Variants in NF2 observed in about 807,000 individuals in gnomAD.
NF2 encodes the protein NF2, moesin-ezrin-radixin like (MERLIN) tumor suppressor, also known as merlin.
A neutral mutation model predicts 83.7 loss-of-function variants in NF2; 8 were observed. The observed-to-expected ratio is 0.10, with a 90% CI of 0.06 to 0.17. NF2 has a LOEUF of 0.17. Ranked by LOEUF, NF2 falls within the 10% of genes least tolerant of loss-of-function variation. The pLI is 1.00. For synonymous variants in NF2, 266 were observed against 269.6 expected, an observed-to-expected ratio of 0.99 and a Z score of 0.13; for missense variants, 533 against 744.4, an observed-to-expected ratio of 0.72 and a Z score of 3.31.
At chr22:29,630,273 C>T (rs1278697283) in intron 1 of NF2, among the ~76,000 whole-genome samples, 8 of 152,162 alleles carry the variant, frequency 5.3e-5, no homozygotes, top group South Asian at 2.1e-4. Context: ...ATTCCAGCTA[C>T]GTTCCTGCTG....
At chr22:29,662,063 T>C (rs573040319) in intron 8 of NF2, among the ~76,000 whole-genome samples, 1 of 152,352 alleles carries the variant, frequency 6.6e-6, no homozygotes, top group African/African-American at 2.4e-5. Context: ...TAATGTATAA[T>C]CTTATGTTTA....
At chr22:29,604,145 A>ACAG in intron 1 of NF2, 33 bp downstream of exon 1, 1 of 1,524,430 alleles carries the variant, frequency 6.6e-7, no homozygotes, top group Non-Finnish European at 9.0e-7. Flanking sequence ...TGCTGCGGTG[A>ACAG]CAGTCGAGGT....
chr22:29,698,552 G>A lies in NF2; in HGVS notation c.*3750G>A, dbSNP rs1022697344. ...AAGGCTATTTTCTATTCTGGGGAAC[G>A]ATTATAACTTAAATGATTGTTTTAA... On this transcript the variant is annotated 3_prime_UTR_variant, in exon 16 of 16. Transcript: ENST00000338641. 5.2e-6 allele frequency: 1 copy of A among 191,260 alleles called. No homozygotes were observed. The highest frequency in any genetic ancestry group is 1.1e-5 in the Non-Finnish European group (1 of 91,166). 11.8% of individuals were successfully genotyped at this position (191,260 alleles called of 1,614,324 possible).
At chr22:29,618,078 T>C (rs539141256) in intron 1 of NF2, among the ~76,000 whole-genome samples, 2 of 152,348 alleles carry the variant, frequency 1.3e-5, no homozygotes, top group Admixed American at 1.3e-4. Context: ...CCATGGGCAC[T>C]GCCCTGTTGT....
intron 15 of NF2, among the ~76,000 whole-genome samples, chr22:29,690,773 A>T (rs1293520600): frequency 6.6e-6 from 1 of 152,212 alleles, no homozygotes; most frequent in Non-Finnish European, 1.5e-5. Context: ...GGGTCAGCCC[A>T]TGCCTGGTGC....
At chr22:29,674,800 C>T (rs2066910265) in intron 12 of NF2, 36 bp from the exon 13 acceptor site, 5 of 1,543,120 alleles carry the variant, frequency 3.2e-6, no homozygotes, top group Non-Finnish European at 4.4e-6. Flanking sequence ...TACCTGCCCT[C>T]TTCTGTGAAG....
chr22:29,673,616 C>T (rs780171131), intron 12 of NF2, 130 bp downstream of exon 12: 169 of 1,017,958 alleles, frequency 1.7e-4, no homozygotes, highest in Non-Finnish European at 2.0e-4. Context: ...TGGGGAGGCT[C>T]CTCCTTGGCT....
At chr22:29,685,948 GCT>G (rs1380432735) in intron 15 of NF2, among the ~76,000 whole-genome samples, 1 of 149,270 alleles carries the variant, frequency 6.7e-6, no homozygotes, top group African/African-American at 2.5e-5. Context: ...TTACTCGCTC[GCT>G]CTCTCTTTTT....
rs2146856604 is a variant in NF2 at position 29,636,959 on chromosome 22, G to C, written c.240+83G>C. Reference sequence around the variant, plus strand: ...TGAGCAGGCGCCTAGCTCATCACTGGGGCGCTGTAGCTGTATAGTAGAGAA... The same window carrying C: ...TGAGCAGGCGCCTAGCTCATCACTGCGGCGCTGTAGCTGTATAGTAGAGAA... On this transcript the variant is annotated intron_variant, in intron 2 of 15. Coordinates refer to ENST00000338641, the MANE Select transcript of NF2 (RefSeq NM_000268.4). This position sits in a 1 kb window ranked among gnomAD's most constrained non-coding sequence, Gnocchi z 4.4. The C allele has an allele frequency of 6.3e-7, 1 of 1,593,130 alleles. No individual in the cohort carries two copies. Among genetic ancestry groups the C allele is most frequent in the Non-Finnish European group, 8.6e-7 (1 of 1,162,812 alleles).
intron 8 of NF2, among the ~76,000 whole-genome samples, 162 bp downstream of exon 8, chr22:29,661,501 G>A (rs2066477365): frequency 6.6e-6 from 1 of 152,142 alleles, no homozygotes; most frequent in Middle Eastern, 3.2e-3. Flanking sequence ...TTACAGAACA[G>A]TATTGGCATC....
rs9608802 is a variant in NF2 at position 29,656,906 on chromosome 22, C to G, written c.599+1230C>G. 9.4e-3 allele frequency among the ~76,000 whole-genome samples: 1,290 copies of G among 136,762 alleles called. 14 individuals are homozygous for G. Among genetic ancestry groups the G allele is most frequent in the Non-Finnish European group, 0.013 (841 of 65,914 alleles). The allele number at this position is 136,762 out of a possible 152,430, so 89.7% of individuals were successfully genotyped here. A position where few individuals can be genotyped will look rare whatever the true frequency, so the allele number is the denominator to read the frequency against. On this transcript the variant is annotated intron_variant, in intron 6 of 15. Coordinates refer to ENST00000338641, the MANE Select transcript of NF2 (RefSeq NM_000268.4). ...TTTTTATCAGTCTAATTTTTGTAAT[C>G]TAAAAAGTGAAAAGTTGTATTATGT... is the stretch of plus-strand genomic sequence containing the variant.
At chr22:29,681,388 G>T (rs763981967) in intron 14 of NF2, 51 bp from the exon 15 acceptor site, 3 of 1,608,768 alleles carry the variant, frequency 1.9e-6, no homozygotes, top group Non-Finnish European at 2.5e-6. Context: ...CACCTGAGCC[G>T]TGTCTCACTG....
At chr22:29,644,329 C>G (rs1355119101) in intron 4 of NF2, among the ~76,000 whole-genome samples, 3 of 135,588 alleles carry the variant, frequency 2.2e-5, no homozygotes, top group African/African-American at 2.7e-5. Context: ...GATGGGCGGC[C>G]GGGCAGAGAC....
chr22:29,627,293 C>A (rs1049833868), intron 1 of NF2, among the ~76,000 whole-genome samples: 3 of 152,136 alleles, frequency 2.0e-5, no homozygotes, highest in African/African-American at 7.2e-5. Flanking sequence ...AAGTGACTTA[C>A]CCAGCACAGC....
At chr22:29,645,085 C>T (rs56783715) in intron 4 of NF2, among the ~76,000 whole-genome samples, 1 of 152,176 alleles carries the variant, frequency 6.6e-6, no homozygotes, top group Non-Finnish European at 1.5e-5. Flanking sequence ...ACTCTTAACT[C>T]ACTTTTTGGG....
chr22:29,626,153 CTTT>C (rs34704204), intron 1 of NF2, among the ~76,000 whole-genome samples: 4 of 128,202 alleles, frequency 3.1e-5, no homozygotes, highest in Admixed American at 1.7e-4. Flanking sequence ...CATCTGCAGA[CTTT>C]TTTTTTTTTT....
Position 29,603,754 on chromosome 22 carries a change from C to A in NF2, c.-245C>A, listed in dbSNP as rs536438675. 3 of 518,438 alleles carry A rather than the reference C, an allele frequency of 5.8e-6. No homozygotes were observed. The highest frequency in any genetic ancestry group is 1.0e-5 in the Non-Finnish European group (3 of 296,686). The allele number at this position is 518,438 out of a possible 1,614,324, so 32.1% of individuals were successfully genotyped here. A position where few individuals can be genotyped will look rare whatever the true frequency, so the allele number is the denominator to read the frequency against. ...CCGGAGTGCCGGGTCGCGCCTGCAC[C>A]GAAGGTCCCGGCTCCTGTGCCCTCC... On this transcript the variant is annotated 5_prime_UTR_variant, in exon 1 of 16. Transcript: ENST00000338641.
At chr22:29,672,775 C>T (rs2066839588) in intron 11 of NF2, among the ~76,000 whole-genome samples, 1 of 135,008 alleles carries the variant, frequency 7.4e-6, no homozygotes, top group South Asian at 2.2e-4. Flanking sequence ...GCCAACACAT[C>T]CAGCTTTTTT....
chr22:29,631,063 AACCCAG>A (rs2065497177), intron 1 of NF2, among the ~76,000 whole-genome samples: 1 of 152,202 alleles, frequency 6.6e-6, no homozygotes, highest in African/African-American at 2.4e-5. Context: ...GTGACTGAAC[AACCCAG>A]TTCCTAATCA....
Sources: gnomAD v4.1 joint callset for allele counts (sites outside exome capture counted in the v4.1 genomes callset) on GRCh38, gnomAD v4.1.1 for gene constraint, Gnocchi (gnomAD v3.1) non-coding constraint, MANE v1.5 for transcripts, NCBI Gene and HGNC (gene_info 2026-07-23, HGNC 2026-07-21) for gene names.